The following ACOT7 variants were observed in gnomAD, a reference collection of about 807,000 sequenced individuals.
ACOT7 encodes acyl-CoA thioesterase 7.
ACOT7 carries 12 observed loss-of-function variants against 40.2 expected under a neutral mutation model. That is an observed-to-expected ratio of 0.30 (90% CI 0.19 to 0.48). ACOT7 has a LOEUF of 0.48. Ranked by LOEUF, ACOT7 falls within the 20% of genes least tolerant of loss-of-function variation. The probability of loss-of-function intolerance (pLI) is 0.99; values close to 1 mark genes in which losing one functional copy is unlikely to be tolerated. For missense variants in ACOT7, 395 were observed against 530.8 expected, an observed-to-expected ratio of 0.74 and a Z score of 2.51; for synonymous variants, 228 against 219.5, an observed-to-expected ratio of 1.04 and a Z score of -0.34.
At chr1:6,281,928 T>C (rs558539690) in intron 7 of ACOT7, among the ~76,000 whole-genome samples, 59 of 152,152 alleles carry the variant, frequency 3.9e-4, no homozygotes, top group African/African-American at 1.4e-3. Flanking sequence ...GACCAAAGCT[T>C]CCTCCTCTGG....
rs1431378274 is a variant in ACOT7 at position 6,355,649 on chromosome 1, G to A, written c.144-5783C>T. Reference sequence around the variant, plus strand: ...CCTCGGTGAGATGCCTGTGTCTTTTGGATGCCTTTAAACCATCTCAACCCT... The same window carrying A: ...CCTCGGTGAGATGCCTGTGTCTTTTAGATGCCTTTAAACCATCTCAACCCT... On this transcript the variant is annotated intron_variant, in intron 1 of 8. Coordinates refer to ENST00000361521, the MANE Select transcript of ACOT7 (RefSeq NM_007274.4). The surrounding 1 kb of genome is among the most constrained non-coding windows in gnomAD (Gnocchi z 5.0). Among the ~76,000 whole-genome samples, 1 of 152,170 alleles carries A rather than the reference G, an allele frequency of 6.6e-6. No homozygotes were observed. Among genetic ancestry groups the A allele is most frequent in the African/African-American group, 2.4e-5 (1 of 41,436 alleles).
rs1372804508 is a variant in ACOT7, at chr1:6,359,703, G to A, written c.144-9837C>T. The stretch of plus-strand genomic sequence containing the variant: ...GCAGGCTACAGGAGGCCCAGTGCAG[G>A]AGGCGGGATGTGTTATCACCACAAC... On this transcript the variant is annotated intron_variant, in intron 1 of 8. Coordinates refer to ENST00000361521, the MANE Select transcript of ACOT7 (RefSeq NM_007274.4). The surrounding 1 kb of genome is among the most constrained non-coding windows in gnomAD (Gnocchi z 4.1). Among the ~76,000 whole-genome samples the A allele has an allele frequency of 6.6e-6, 1 of 152,326 alleles. No individual in the cohort carries two copies. The highest frequency in any genetic ancestry group is 2.1e-4 in the South Asian group (1 of 4,824).
rs1639176390 is a variant in ACOT7 at position 6,275,970 on chromosome 1, A to G, written c.1014+5132T>C. Among the ~76,000 whole-genome samples, 1 of 152,178 alleles carries G rather than the reference A, an allele frequency of 6.6e-6. No individual in the cohort carries two copies. The highest frequency in any genetic ancestry group is 2.4e-5 in the African/African-American group (1 of 41,436). On this transcript the variant is annotated intron_variant, in intron 8 of 8. Transcript: ENST00000361521. The surrounding 1 kb of genome is among the most constrained non-coding windows in gnomAD (Gnocchi z 5.6). Reference sequence around the variant, plus strand: ...TTGGAGCCTCGGCTAATCTGGGGACACATCCCCTCCCCAGTGTGCCCAGGA... The same window carrying G: ...TTGGAGCCTCGGCTAATCTGGGGACGCATCCCCTCCCCAGTGTGCCCAGGA...
intron 4 of ACOT7, among the ~76,000 whole-genome samples, chr1:6,332,785 C>A (rs1030343565): frequency 1.3e-5 from 2 of 151,534 alleles, no homozygotes; most frequent in Admixed American, 6.6e-5. Context: ...CGCGCCACTG[C>A]ACTCCAGCCT....
intron 2 of ACOT7, among the ~76,000 whole-genome samples, chr1:6,347,558 A>C (rs112596387): frequency 0.079 from 11,965 of 152,230 alleles, 1,103 homozygotes; most frequent in African/African-American, 0.23. Flanking sequence ...TGAAGTCAGG[A>C]GTTCGAGATC....
chr1:6,305,306 C>T (rs1291098650), intron 6 of ACOT7, among the ~76,000 whole-genome samples: 1 of 128,196 alleles, frequency 7.8e-6, no homozygotes, highest in African/African-American at 2.7e-5. Flanking sequence ...GGGCTCCTCA[C>T]TTCCCAGTAG....
intron 7 of ACOT7, among the ~76,000 whole-genome samples, chr1:6,290,258 G>A (rs912872322): frequency 1.3e-5 from 2 of 152,244 alleles, no homozygotes; most frequent in African/African-American, 2.4e-5. Flanking sequence ...AAAATTACAG[G>A]AGAGTGAGTG....
rs1639569508 is a variant in ACOT7 at position 6,288,483 on chromosome 1, G to A, written c.829+6381C>T. Among the ~76,000 whole-genome samples the A allele has an allele frequency of 6.6e-6, 1 of 152,234 alleles. No homozygotes were observed. The highest frequency in any genetic ancestry group is 1.9e-4 in the East Asian group (1 of 5,206). The stretch of plus-strand genomic sequence containing the variant: ...GGCAGCCTGTCCTAGCAGACCTGAA[G>A]TGCCAGCTGGAGGGGCTCAAGCTGA... On this transcript the variant is annotated intron_variant, in intron 7 of 8. Transcript: ENST00000361521. This position sits in a 1 kb window ranked among gnomAD's most constrained non-coding sequence, Gnocchi z 4.3.
At position 6,338,700 on chromosome 1, in the gene ACOT7, A is replaced by G. The variant is rs1641177365; in HGVS notation, c.418+733T>C. ...GGGCAGCCACTGCTGAGGAACAGGC[A>G]TGGGGAAGAGGAGGAAACCGGCCCA... On this transcript the variant is annotated intron_variant, in intron 3 of 8. Transcript: ENST00000361521. The surrounding 1 kb of genome is among the most constrained non-coding windows in gnomAD (Gnocchi z 4.4). 6.6e-6 allele frequency among the ~76,000 whole-genome samples: 1 copy of G among 152,116 alleles called. No individual in the cohort carries two copies. The highest frequency in any genetic ancestry group is 2.4e-5 in the African/African-American group (1 of 41,440).
chr1:6,316,547 C>T (rs756296947), intron 6 of ACOT7, among the ~76,000 whole-genome samples: 17 of 152,210 alleles, frequency 1.1e-4, no homozygotes, highest in African/African-American at 3.6e-4. Flanking sequence ...CGGTGGCTCA[C>T]GCCTGTGATC....
chr1:6,314,117 G>A (rs556521999), intron 6 of ACOT7, among the ~76,000 whole-genome samples: 1 of 152,332 alleles, frequency 6.6e-6, no homozygotes, highest in Non-Finnish European at 1.5e-5. Flanking sequence ...ACTGTACTGA[G>A]AGCATCTTAC....
intron 8 of ACOT7, among the ~76,000 whole-genome samples, chr1:6,279,640 C>G (rs1639296882): frequency 6.6e-6 from 1 of 152,218 alleles, no homozygotes; most frequent in Non-Finnish European, 1.5e-5. Context: ...TCCATCAAGT[C>G]CAGGTTCACC....
chr1:6,308,622 C>T (rs1055349441), intron 6 of ACOT7, among the ~76,000 whole-genome samples: 1,533 of 148,562 alleles, frequency 0.01, 39 homozygotes, highest in African/African-American at 0.036. Flanking sequence ...CAGAGGGAAC[C>T]ACAACAGGCA....
At chr1:6,310,770 G>C (rs757697503) in intron 6 of ACOT7, among the ~76,000 whole-genome samples, 10 of 152,084 alleles carry the variant, frequency 6.6e-5, no homozygotes, top group Non-Finnish European at 1.5e-4. Flanking sequence ...GTCTTGTTCT[G>C]TCACCCAGGC....
chr1:6,353,776 G>A (rs2148459420), intron 1 of ACOT7, among the ~76,000 whole-genome samples: 1 of 152,366 alleles, frequency 6.6e-6, no homozygotes, highest in East Asian at 1.9e-4. Context: ...GTTTACTGCT[G>A]AGTCTGACAT....
chr1:6,321,916 C>T (rs924094771), intron 5 of ACOT7, among the ~76,000 whole-genome samples: 2 of 152,246 alleles, frequency 1.3e-5, no homozygotes, highest in Non-Finnish European at 2.9e-5. Flanking sequence ...CTCAGAGCCC[C>T]ACTCCTCGTG....
rs192136950 is a variant in ACOT7, at chr1:6,306,344, C to A, written c.713-11364G>T. On this transcript the variant is annotated intron_variant, in intron 6 of 8. Transcript: ENST00000361521. The surrounding 1 kb of genome is among the most constrained non-coding windows in gnomAD (Gnocchi z 4.3). ...GATGACGTGCTGGCCACCAGGGACC[C>A]GGCTGAGAGGAGGACCCAGTGTGGG... is the stretch of plus-strand genomic sequence containing the variant. 1.0e-6 allele frequency: 1 copy of A among 985,202 alleles called. No homozygotes were observed. Among genetic ancestry groups the A allele is most frequent in the African/African-American group, 1.7e-5 (1 of 57,192 alleles). 61.0% of individuals were successfully genotyped at this position (985,202 alleles called of 1,614,324 possible). A position where few individuals can be genotyped will look rare whatever the true frequency, so the allele number is the denominator to read the frequency against.
intron 5 of ACOT7, among the ~76,000 whole-genome samples, chr1:6,322,083 G>C (rs1006201877): frequency 1.3e-5 from 2 of 152,212 alleles, no homozygotes; most frequent in South Asian, 4.1e-4. Context: ...GCCACAGGTC[G>C]TGCGAACTGG....
intron 1 of ACOT7, among the ~76,000 whole-genome samples, chr1:6,361,528 G>A (rs1300462061): frequency 6.6e-6 from 1 of 152,246 alleles, no homozygotes; most frequent in Non-Finnish European, 1.5e-5. Flanking sequence ...GCAGGGTGGA[G>A]TAGTTCACGC....
Sources: gnomAD v4.1 joint callset for allele counts (sites outside exome capture counted in the v4.1 genomes callset) on GRCh38, gnomAD v4.1.1 for gene constraint, Gnocchi (gnomAD v3.1) non-coding constraint, MANE v1.5 for transcripts, NCBI Gene and HGNC (gene_info 2026-07-23, HGNC 2026-07-21) for gene names.